Variants in SPOCD1 observed in about 807,000 individuals in gnomAD.
SPOCD1 encodes the protein SPOC domain containing 1, also known as SPOC domain-containing protein 1.
In SPOCD1, 64 loss-of-function variants were observed where a neutral mutation model predicts 92.2. The ratio of observed to expected loss-of-function variants is 0.69; its 90% CI spans 0.57 to 0.86. The LOEUF (loss-of-function observed/expected upper bound fraction) is 0.86. SPOCD1 is among the 40% of genes least tolerant of loss of function. The pLI is 0.00. For synonymous variants in SPOCD1, 578 were observed against 619.3 expected (o/e 0.93, Z 0.99); for missense variants, 1,360 against 1,543.1 (o/e 0.88, Z 1.99).
At chr1:31,796,391 C>T (rs534256738) in intron 10 of SPOCD1, 199 bp downstream of exon 10, 5 of 790,738 alleles carry the variant, frequency 6.3e-6, no homozygotes, top group South Asian at 1.6e-5. Context: ...AGTGACAAGG[C>T]GCTGGCAGGC....
intron 13 of SPOCD1, 59 bp from the exon 14 acceptor site, chr1:31,792,826 G>T: frequency 7.6e-7 from 1 of 1,310,288 alleles, no homozygotes; most frequent in Non-Finnish European, 1.1e-6. Flanking sequence ...CAGGGTGGAC[G>T]CATTCCCAGC....
In SPOCD1 at chr1:31,798,020, C is replaced by G. The variant is rs1355827140; in HGVS notation, c.2145+187G>C. 1.3e-5 allele frequency among the ~76,000 whole-genome samples: 2 copies of G among 152,182 alleles called. No individual in the cohort carries two copies. Among genetic ancestry groups the G allele is most frequent in the Non-Finnish European group, 2.9e-5 (2 of 68,038 alleles). On this transcript the variant is annotated intron_variant, in intron 9 of 15. Transcript: ENST00000360482. The surrounding 1 kb of genome is among the most constrained non-coding windows in gnomAD (Gnocchi z 4.1). Reference sequence around the variant, plus strand: ...CATTCCCAGTCCCTTTCATTTCCACCCCTTCTCCTGTTTCTCTTGTGGGGA... The same window carrying G: ...CATTCCCAGTCCCTTTCATTTCCACGCCTTCTCCTGTTTCTCTTGTGGGGA...
intron 9 of SPOCD1, among the ~76,000 whole-genome samples, chr1:31,797,104 T>C (rs1233109471): frequency 6.6e-6 from 1 of 152,246 alleles, no homozygotes; most frequent in Non-Finnish European, 1.5e-5. Context: ...ACTTAGCTGC[T>C]CTAAGCCTCA....
rs560840320 is a variant in SPOCD1, at chr1:31,798,686, G to A, written c.1869-85C>T. On this transcript the variant is annotated intron_variant, in intron 7 of 15. Transcript: ENST00000360482. This position sits in a 1 kb window ranked among gnomAD's most constrained non-coding sequence, Gnocchi z 4.1. ...CCCAGAGGGAGGCAGCTGGGTGGGC[G>A]GCAGGGTCTGGGCCAACTTGTTCCT... The A allele has an allele frequency of 2.0e-5, 30 of 1,483,660 alleles. No homozygotes were observed. Among genetic ancestry groups the A allele is most frequent in the Middle Eastern group, 3.5e-4 (2 of 5,796 alleles). 91.9% of individuals were successfully genotyped at this position (1,483,660 alleles called of 1,614,324 possible).
In SPOCD1 at chr1:31,800,162, A is replaced by T. The variant is rs1331540213; in HGVS notation, c.1603-21T>A. On this transcript the variant is annotated intron_variant, in intron 4 of 15. Coordinates refer to ENST00000360482, the MANE Select transcript of SPOCD1 (RefSeq NM_144569.7). ...AAAACCTTGGGGCAGGGAGCAGACAAGCTATTGGCCGGAAATGGAGGCCAG... is the reference window on the plus strand; with the variant it reads ...AAAACCTTGGGGCAGGGAGCAGACATGCTATTGGCCGGAAATGGAGGCCAG... 9 of 1,576,522 alleles carry T rather than the reference A, an allele frequency of 5.7e-6. 1 individual carries two copies. In the South Asian group the frequency reaches 1.0e-4, roughly 18 times the overall value.
intron 2 of SPOCD1, among the ~76,000 whole-genome samples, chr1:31,809,061 T>C (rs1570198219): frequency 6.6e-6 from 1 of 152,008 alleles, no homozygotes; most frequent in Admixed American, 6.6e-5. Context: ...TGGTGGCGGG[T>C]ACCTGTAATC....
In SPOCD1 at chr1:31,794,174, G is replaced by A. The variant is rs141165762; in HGVS notation, c.2333C>T (p.Thr778Met). 2.9e-3 allele frequency: 4,698 copies of A among 1,613,768 alleles called. 14 individuals are homozygous for A. Among genetic ancestry groups the A allele is most frequent in the Non-Finnish European group, 3.8e-3 (4,463 of 1,179,860 alleles). Residue 778 changes from threonine to methionine, a missense_variant, in exon 11 of 16, where the codon ACG (threonine) becomes ATG (methionine). Physicochemically the swap from Thr to Met is moderately conservative, Grantham distance 81. This residue lies in a region of SPOCD1 where 614 missense variants were observed against 757.8 expected (regional missense o/e 0.81). Transcript: ENST00000360482. Reference sequence around the variant, plus strand: ...TAAGAAGTGGTGGTCATGCTGCCCCGTGGTGTCCTCTGATGCGATGGGCAG... The same window carrying A: ...TAAGAAGTGGTGGTCATGCTGCCCCATGGTGTCCTCTGATGCGATGGGCAG... ...QALPIASEDTTGQHDHHFLDP... is the reference protein window; with the variant it reads ...QALPIASEDTMGQHDHHFLDP...
rs1647502415 is a variant in SPOCD1, at chr1:31,790,479, AG to A, written c.*123del. 2.4e-6 allele frequency: 2 copies of A among 847,912 alleles called. No homozygotes were observed. The highest frequency in any genetic ancestry group is 3.5e-5 in the African/African-American group (2 of 57,860). 52.5% of individuals were successfully genotyped at this position (847,912 alleles called of 1,614,324 possible). ...AAATCAACAGCAAACATTGTCAAAC[AG>A]GAAGTTCAAACAGGGCAGGTGGGTA... On this transcript the variant is annotated 3_prime_UTR_variant, in exon 16 of 16. Coordinates refer to ENST00000360482, the MANE Select transcript of SPOCD1 (RefSeq NM_144569.7).
Position 31,791,061 on chromosome 1 carries a change from G to C in SPOCD1, c.3193C>G (p.Pro1065Ala), listed in dbSNP as rs748217720. 1 of 1,612,874 alleles carries C rather than the reference G, an allele frequency of 6.2e-7. No homozygotes were observed. The highest frequency in any genetic ancestry group is 1.7e-5 in the Admixed American group (1 of 59,962). Residue 1065 changes from proline (P) to alanine (A), a missense_variant, in exon 16 of 16, where the codon CCA (proline) becomes GCA (alanine). Physicochemically the swap from Pro to Ala is conservative, Grantham distance 27 (BLOSUM62 -1). This residue lies in a region of SPOCD1 where 614 missense variants were observed against 757.8 expected (regional missense o/e 0.81). Coordinates refer to ENST00000360482, the MANE Select transcript of SPOCD1 (RefSeq NM_144569.7). ...TGGCTCTGCTGCCAGGCACCTCCTG[G>C]GGGAGGGGTGCCCTTCAGGGGCACA... ...PNVPLKGTPP[P>A]GGAWQQSQGR...
chr1:31,800,476 T>C lies in SPOCD1; in HGVS notation c.1567A>G (p.Lys523Glu), dbSNP rs975961076. The C allele has an allele frequency of 3.7e-6, 6 of 1,610,248 alleles. No individual in the cohort carries two copies. The highest frequency in any genetic ancestry group is 5.1e-6 in the Non-Finnish European group (6 of 1,178,164). Reference protein sequence around the residue: ...PSPAQRLRRKKRPMVQGPAGC... With the variant: ...PSPAQRLRRKERPMVQGPAGC... ...GCAGGGCCCTGCACCATGGGCCTTT[T>C]CTTCCTTCTGAGCCTCTGGGCAGGT... The change falls in exon 4 of 16, where the codon AAA becomes GAA. Residue 523 changes from lysine (K) to glutamate (E), a missense_variant. Lys to Glu is a moderately conservative substitution (Grantham distance 56). This residue lies in a region of SPOCD1 where 606 missense variants were observed against 601.5 expected (regional missense o/e 1.01). Coordinates refer to ENST00000360482, the MANE Select transcript of SPOCD1 (RefSeq NM_144569.7).
Position 31,814,233 on chromosome 1 carries a change from C to A in SPOCD1, c.1101G>T (p.Lys367Asn). 6.3e-7 allele frequency: 1 copy of A among 1,583,124 alleles called. No individual in the cohort carries two copies. Among genetic ancestry groups the A allele is most frequent in the East Asian group, 2.3e-5 (1 of 44,268 alleles). The change falls in exon 2 of 16, where the codon AAG (lysine) becomes AAT (asparagine). Residue 367 changes from lysine to asparagine, a missense_variant. Coordinates refer to ENST00000360482, the MANE Select transcript of SPOCD1 (RefSeq NM_144569.7). This position sits in a 1 kb window ranked among gnomAD's most constrained non-coding sequence, Gnocchi z 4.2. ...GCCTTCCCCTGGAAGCTGGCTGAGC[C>A]TTGGCCTCCAGCTCCTCCTGGTCCT... Reference protein sequence around the residue: ...PAQDQEELEAKAQPASRGRLE... With the variant: ...PAQDQEELEANAQPASRGRLE...
chr1:31,790,492 A>G lies in SPOCD1; in HGVS notation c.*111T>C, dbSNP rs1570139031. On this transcript the variant is annotated 3_prime_UTR_variant, in exon 16 of 16. Coordinates refer to ENST00000360482, the MANE Select transcript of SPOCD1 (RefSeq NM_144569.7). ...ACATTGTCAAACAGGAAGTTCAAACAGGGCAGGTGGGTAGGGCTGACCATC... is the reference window on the plus strand; with the variant it reads ...ACATTGTCAAACAGGAAGTTCAAACGGGGCAGGTGGGTAGGGCTGACCATC... 19 of 955,992 alleles carry G rather than the reference A, an allele frequency of 2.0e-5. No homozygotes were observed. The East Asian group carries it at 5.2e-4, about 26-fold the overall frequency. The allele number at this position is 955,992 out of a possible 1,614,324, so 59.2% of individuals were successfully genotyped here.
At position 31,798,413 on chromosome 1, in the gene SPOCD1, G is replaced by A; in HGVS notation, c.2028+29C>T. 3 of 1,593,608 alleles carry A rather than the reference G, an allele frequency of 1.9e-6. No homozygotes were observed. The highest frequency in any genetic ancestry group is 2.6e-6 in the Non-Finnish European group (3 of 1,168,360). The stretch of plus-strand genomic sequence containing the variant: ...CAGGGGCTCTGAGATTCAGAGAGGG[G>A]ACGCAGCCCAGCCCAAAGCCCTGCT... On this transcript the variant is annotated intron_variant, in intron 8 of 15. Coordinates refer to ENST00000360482, the MANE Select transcript of SPOCD1 (RefSeq NM_144569.7). This position sits in a 1 kb window ranked among gnomAD's most constrained non-coding sequence, Gnocchi z 4.1.
chr1:31,797,333 G>T (rs1648097794), intron 9 of SPOCD1, among the ~76,000 whole-genome samples: 1 of 152,216 alleles, frequency 6.6e-6, no homozygotes, highest in African/African-American at 2.4e-5. Flanking sequence ...CAGCCTCGTG[G>T]GCATGAGATC....
chr1:31,808,032 C>T (rs1314264235), intron 2 of SPOCD1, among the ~76,000 whole-genome samples: 1 of 152,128 alleles, frequency 6.6e-6, no homozygotes, highest in Non-Finnish European at 1.5e-5. Flanking sequence ...TCAGTCCATA[C>T]TTTTTTTAAC....
At chr1:31,797,166 T>C (rs1648085963) in intron 9 of SPOCD1, among the ~76,000 whole-genome samples, 1 of 152,212 alleles carries the variant, frequency 6.6e-6, no homozygotes, top group Admixed American at 6.5e-5. Flanking sequence ...AAACAACATA[T>C]ATAGAGTGCT....
Position 31,798,685 on chromosome 1 carries a change from C to A in SPOCD1, c.1869-84G>T. 6.7e-7 allele frequency: 1 copy of A among 1,494,946 alleles called. No individual in the cohort carries two copies. The highest frequency in any genetic ancestry group is 9.0e-7 in the Non-Finnish European group (1 of 1,108,398). The allele number at this position is 1,494,946 out of a possible 1,614,324, so 92.6% of individuals were successfully genotyped here. A position where few individuals can be genotyped will look rare whatever the true frequency, so the allele number is the denominator to read the frequency against. On this transcript the variant is annotated intron_variant, in intron 7 of 15. Coordinates refer to ENST00000360482, the MANE Select transcript of SPOCD1 (RefSeq NM_144569.7). The surrounding 1 kb of genome is among the most constrained non-coding windows in gnomAD (Gnocchi z 4.1). ...TCCCAGAGGGAGGCAGCTGGGTGGG[C>A]GGCAGGGTCTGGGCCAACTTGTTCC...
In SPOCD1 at chr1:31,792,392, C is replaced by T. The variant is rs766584145; in HGVS notation, c.2785G>A (p.Val929Met). 10 of 1,613,418 alleles carry T rather than the reference C, an allele frequency of 6.2e-6. No homozygotes were observed. Among genetic ancestry groups the T allele is most frequent in the South Asian group, 3.3e-5 (3 of 90,990 alleles). ...ICPAKAKDVC[V>M]VRLCPHGARD... ...GCCCCATGTGGGCACAGTCTGACCA[C>T]GCAGACGTCCTGCGGTGGCAGGAGG... Residue 929 changes from valine (V) to methionine (M), a missense_variant, in exon 15 of 16, where the codon GTG becomes ATG. Physicochemically the swap from Val to Met is conservative, Grantham distance 21 (BLOSUM62 1). Transcript: ENST00000360482.
intron 10 of SPOCD1, chr1:31,796,150 G>A (rs1439531842): frequency 3.6e-6 from 1 of 277,348 alleles, no homozygotes; most frequent in African/African-American, 2.2e-5. Flanking sequence ...CCTCTGGATG[G>A]ACTGCCAGGG....
Sources: allele counts gnomAD v4.1 joint callset (sites outside exome capture counted in the v4.1 genomes callset), GRCh38; gene constraint gnomAD v4.1.1; regional missense constraint gnomAD v4.1.1; non-coding constraint Gnocchi (gnomAD v3.1); transcripts MANE v1.5; gene names NCBI Gene and HGNC (gene_info 2026-07-23, HGNC 2026-07-21).